Variants in ABAT observed in about 807,000 individuals in gnomAD.
ABAT encodes the protein 4-aminobutyrate aminotransferase.
Under a neutral mutation model 64.6 loss-of-function variants are expected in ABAT, and 45 were observed. That is an observed-to-expected ratio of 0.70 (90% CI 0.55 to 0.89). The LOEUF (loss-of-function observed/expected upper bound fraction) is 0.89, where lower values mean the gene tolerates loss of function less well. Ranked by LOEUF, ABAT falls within the 40% of genes least tolerant of loss-of-function variation. The pLI is 0.00. For missense variants in ABAT, 633 were observed against 658.4 expected (o/e 0.96, Z 0.42); for synonymous variants, 297 against 250.5 (o/e 1.19, Z -1.75).
chr16:8,763,438 C>T (rs1445291260), intron 6 of ABAT, among the ~76,000 whole-genome samples: 2 of 152,226 alleles, frequency 1.3e-5, no homozygotes, highest in African/African-American at 4.8e-5. Context: ...AGTCCTAAAG[C>T]TACTGGGAGA....
chr16:8,745,007 A>G (rs116854721), intron 2 of ABAT, among the ~76,000 whole-genome samples: 2,815 of 152,066 alleles, frequency 0.019, 49 homozygotes, highest in Non-Finnish European at 0.029. Flanking sequence ...TTGTTTGTTG[A>G]GACAGCGTCT....
Position 8,735,787 on chromosome 16 carries a change from C to G in ABAT, c.48C>G (p.His16Gln), listed in dbSNP as rs2058907155. Reference protein sequence around the residue: ...LAQRLACSFQHSYRLLVPGSR... With the variant: ...LAQRLACSFQQSYRLLVPGSR... ...AGCGCCTGGCCTGCAGCTTCCAGCACAGCTACCGCCTGCTGGTGCCTGGTA... is the reference window on the plus strand; with the variant it reads ...AGCGCCTGGCCTGCAGCTTCCAGCAGAGCTACCGCCTGCTGGTGCCTGGTA... Residue 16 changes from histidine to glutamine, a missense_variant, in exon 2 of 16, where the codon CAC becomes CAG. By Grantham distance (24) the His-to-Gln change is conservative. Coordinates refer to ENST00000268251, the MANE Select transcript of ABAT (RefSeq NM_020686.6). 6.2e-7 allele frequency: 1 copy of G among 1,607,152 alleles called. No individual in the cohort carries two copies. The highest frequency in any genetic ancestry group is 8.5e-7 in the Non-Finnish European group (1 of 1,177,090).
chr16:8,751,181 G>A (rs541897104), intron 5 of ABAT, among the ~76,000 whole-genome samples: 13 of 152,012 alleles, frequency 8.6e-5, no homozygotes, highest in African/African-American at 2.7e-4. Context: ...ACTCCTGACC[G>A]CAAGTGATCT....
chr16:8,696,977 C>T (rs1198793319), intron 1 of ABAT, among the ~76,000 whole-genome samples: 1 of 152,148 alleles, frequency 6.6e-6, no homozygotes, highest in East Asian at 1.9e-4. Context: ...TTACATTGCG[C>T]GTCGACTGTG....
chr16:8,734,801 G>A (rs2058864147), intron 1 of ABAT, among the ~76,000 whole-genome samples: 1 of 152,072 alleles, frequency 6.6e-6, no homozygotes, highest in Admixed American at 6.5e-5. Context: ...CAGACAGAAG[G>A]AGGCACACAA....
At chr16:8,709,712 A>G (rs1428515775) in intron 1 of ABAT, among the ~76,000 whole-genome samples, 1 of 152,174 alleles carries the variant, frequency 6.6e-6, no homozygotes, top group African/African-American at 2.4e-5. Context: ...AAGACATGAT[A>G]TAGAAAGTAG....
At chr16:8,765,883 C>T (rs1567311311) in intron 8 of ABAT, 1 of 329,704 alleles carries the variant, frequency 3.0e-6, no homozygotes, top group African/African-American at 2.1e-5. Flanking sequence ...CTTAGCCACC[C>T]AAAGTACTAG....
chr16:8,744,258 C>T (rs1408746047), intron 2 of ABAT, among the ~76,000 whole-genome samples: 1 of 152,116 alleles, frequency 6.6e-6, no homozygotes. Context: ...GGCATGTGCT[C>T]AGCTTCTGGG....
chr16:8,700,302 C>G (rs1271424000), intron 1 of ABAT, among the ~76,000 whole-genome samples: 1 of 152,180 alleles, frequency 6.6e-6, no homozygotes, highest in Non-Finnish European at 1.5e-5. Flanking sequence ...CTGATATTCT[C>G]TTCCTCCTTT....
chr16:8,679,884 T>C (rs2057292921), intron 1 of ABAT, among the ~76,000 whole-genome samples: 2 of 152,032 alleles, frequency 1.3e-5, no homozygotes, highest in Admixed American at 1.3e-4. Context: ...CTATAGCTCT[T>C]CCTCCCTGGG....
chr16:8,743,920 C>T (rs765502327), intron 2 of ABAT, among the ~76,000 whole-genome samples: 1 of 152,010 alleles, frequency 6.6e-6, no homozygotes, highest in Non-Finnish European at 1.5e-5. Context: ...GGGTTCCTGA[C>T]AGTAAACCCT....
chr16:8,725,295 G>A (rs1320884768), intron 1 of ABAT, among the ~76,000 whole-genome samples: 1 of 152,078 alleles, frequency 6.6e-6, no homozygotes, highest in Non-Finnish European at 1.5e-5. Context: ...CCACAATGCT[G>A]TGCAGCCACC....
In ABAT at chr16:8,781,159, G is replaced by T; in HGVS notation, c.1382-150G>T. The stretch of plus-strand genomic sequence containing the variant: ...TGAAGACTGGATGGGTGGGTGGTAG[G>T]AAGGAAGCCCGGGCTTCCATGATGG... On this transcript the variant is annotated intron_variant, in intron 15 of 15. Coordinates refer to ENST00000268251, the MANE Select transcript of ABAT (RefSeq NM_020686.6). This position sits in a 1 kb window ranked among gnomAD's most constrained non-coding sequence, Gnocchi z 4.5. The T allele has an allele frequency of 8.2e-7, 1 of 1,220,954 alleles. No homozygotes were observed. The highest frequency in any genetic ancestry group is 2.3e-5 in the East Asian group (1 of 43,028). The allele number at this position is 1,220,954 out of a possible 1,614,324, so 75.6% of individuals were successfully genotyped here. A position where few individuals can be genotyped will look rare whatever the true frequency, so the allele number is the denominator to read the frequency against.
intron 1 of ABAT, among the ~76,000 whole-genome samples, chr16:8,706,238 A>AATAT (rs1555485258): frequency 3.3e-4 from 49 of 149,012 alleles, no homozygotes; most frequent in African/African-American, 1.0e-3. Context: ...TATAAAAAAA[A>AATAT]ATATATATAT....
chr16:8,779,665 G>A, intron 15 of ABAT, 75 bp downstream of exon 15: 1 of 1,239,108 alleles, frequency 8.1e-7, no homozygotes, highest in South Asian at 1.2e-5. Context: ...ATGTTGCTAG[G>A]TACTCAGCAA....
At chr16:8,742,242 C>T (rs1169239979) in intron 2 of ABAT, among the ~76,000 whole-genome samples, 1 of 152,214 alleles carries the variant, frequency 6.6e-6, no homozygotes. Context: ...GCTCTCCAGT[C>T]ATTTCTCTCT....
At chr16:8,719,128 A>C (rs543800313) in intron 1 of ABAT, among the ~76,000 whole-genome samples, 1 of 152,296 alleles carries the variant, frequency 6.6e-6, no homozygotes, top group African/African-American at 2.4e-5. Flanking sequence ...GATCCCACAG[A>C]ACACAGCAGG....
At chr16:8,779,050 A>G (rs191822797) in intron 14 of ABAT, among the ~76,000 whole-genome samples, 25 of 152,310 alleles carry the variant, frequency 1.6e-4, no homozygotes, top group African/African-American at 5.8e-4. Flanking sequence ...GGAGATGGCT[A>G]ACATCTGTGG....
rs762214989 is a variant in ABAT at position 8,764,838 on chromosome 16, T to C, written c.540+8T>C. On this transcript the variant is annotated splice_region_variant and intron_variant, in intron 8 of 15. Transcript: ENST00000268251. This position sits in a 1 kb window ranked among gnomAD's most constrained non-coding sequence, Gnocchi z 4.2. ...ATCTTCATGTGGTACCGGGTGAGGT[T>C]TGGGGCACACACACACACACACACA... The C allele has an allele frequency of 6.2e-7, 1 of 1,604,248 alleles. No homozygotes were observed. Among genetic ancestry groups the C allele is most frequent in the Non-Finnish European group, 8.5e-7 (1 of 1,174,966 alleles).
Sources: gnomAD v4.1 joint callset for allele counts (sites outside exome capture counted in the v4.1 genomes callset) on GRCh38, gnomAD v4.1.1 for gene constraint, Gnocchi (gnomAD v3.1) non-coding constraint, MANE v1.5 for transcripts, NCBI Gene and HGNC (gene_info 2026-07-23, HGNC 2026-07-21) for gene names.